Variants in AHI1 observed in about 807,000 individuals in gnomAD.
AHI1 encodes the protein Abelson helper integration site 1, also known as jouberin.
Under a neutral mutation model 149.3 loss-of-function variants are expected in AHI1, and 123 were observed. The observed-to-expected ratio is 0.82, with a 90% CI of 0.71 to 0.96. The LOEUF (loss-of-function observed/expected upper bound fraction) is 0.96. AHI1 is among the 40% of genes least tolerant of loss of function. The pLI is 0.00. For synonymous variants in AHI1, 475 were observed against 459.8 expected, an observed-to-expected ratio of 1.03 and a Z score of -0.42; for missense variants, 1,439 against 1,422.7, an observed-to-expected ratio of 1.01 and a Z score of -0.18.
chr6:135,287,470 G>A (rs1781828051), intron 28 of AHI1, among the ~76,000 whole-genome samples: 1 of 152,166 alleles, frequency 6.6e-6, no homozygotes, highest in Non-Finnish European at 1.5e-5. Flanking sequence ...TCCTCCTGAC[G>A]ATGGGAGGAA....
Position 135,394,963 on chromosome 6 carries a change from G to A in AHI1, c.2989-67C>T, listed in dbSNP as rs978566353. ...TGGATTACTAATGCAAAAACTGGAT[G>A]AGAAATATTTGCTTATTATACAAAC... is the stretch of plus-strand genomic sequence containing the variant. On this transcript the variant is annotated intron_variant, in intron 22 of 28. Coordinates refer to ENST00000265602, the MANE Select transcript of AHI1 (RefSeq NM_001134831.2). 3.2e-5 allele frequency: 48 copies of A among 1,503,382 alleles called. No homozygotes were observed. In the Admixed American group the frequency reaches 8.3e-4, roughly 26 times the overall value. The allele number at this position is 1,503,382 out of a possible 1,614,324, so 93.1% of individuals were successfully genotyped here.
chr6:135,361,391 T>C (rs937717162), intron 23 of AHI1, among the ~76,000 whole-genome samples: 1 of 152,174 alleles, frequency 6.6e-6, no homozygotes, highest in Non-Finnish European at 1.5e-5. Flanking sequence ...TGTTATTTTG[T>C]AGTGTAAGTC....
In AHI1 at chr6:135,297,268, C is replaced by T. The variant is rs574681326; in HGVS notation, c.3485+3232G>A. ...TTCTTCTAGAGCCACAATCTCTATC[C>T]TGTTTTTTTCTCCCACTGCAATTCC... On this transcript the variant is annotated intron_variant, in intron 27 of 28. Coordinates refer to ENST00000265602, the MANE Select transcript of AHI1 (RefSeq NM_001134831.2). Among the ~76,000 whole-genome samples, 6 of 152,288 alleles carry T rather than the reference C, an allele frequency of 3.9e-5. No individual in the cohort carries two copies. In the East Asian group the frequency reaches 1.2e-3, roughly 29 times the overall value.
intron 11 of AHI1, among the ~76,000 whole-genome samples, chr6:135,452,121 G>C (rs773348568): frequency 1.1e-4 from 16 of 152,136 alleles, no homozygotes; most frequent in Non-Finnish European, 2.1e-4. Context: ...AATAATGTAG[G>C]TAACAGGTCT....
intron 24 of AHI1, among the ~76,000 whole-genome samples, chr6:135,355,744 C>G (rs1792853419): frequency 6.6e-6 from 1 of 152,028 alleles, no homozygotes; most frequent in Non-Finnish European, 1.5e-5. Flanking sequence ...ACTAAAAATA[C>G]AAAAATTAGC....
At chr6:135,424,801 G>A (rs1211521756) in intron 20 of AHI1, among the ~76,000 whole-genome samples, 1 of 151,580 alleles carries the variant, frequency 6.6e-6, no homozygotes, top group African/African-American at 2.4e-5. Flanking sequence ...CCATTTTCCT[G>A]GAAAATTATC....
chr6:135,285,658 A>G lies in AHI1; in HGVS notation c.3589-11T>C, dbSNP rs1217833599. 2 of 1,599,298 alleles carry G rather than the reference A, an allele frequency of 1.3e-6. No homozygotes were observed. Among genetic ancestry groups the G allele is most frequent in the Admixed American group, 3.4e-5 (2 of 58,958 alleles). On this transcript the variant is annotated splice_polypyrimidine_tract_variant and intron_variant, in intron 28 of 28. Transcript: ENST00000265602. The stretch of plus-strand genomic sequence containing the variant: ...TTCTTCAATTCTTTACTGGAAAGAA[A>G]AATACACAAAATGTACTAAATAAAC...
At chr6:135,377,741 A>G (rs1776161759) in intron 23 of AHI1, among the ~76,000 whole-genome samples, 1 of 152,004 alleles carries the variant, frequency 6.6e-6, no homozygotes, top group South Asian at 2.1e-4. Flanking sequence ...CCAACCTCCC[A>G]AAGTACCAGG....
intron 9 of AHI1, among the ~76,000 whole-genome samples, chr6:135,457,241 G>T (rs1789112566): frequency 6.6e-6 from 1 of 152,144 alleles, no homozygotes; most frequent in Non-Finnish European, 1.5e-5. Flanking sequence ...CCAAGATTGA[G>T]CACTGCATTC....
At chr6:135,440,384 A>T (rs1261045579) in intron 14 of AHI1, among the ~76,000 whole-genome samples, 1 of 152,132 alleles carries the variant, frequency 6.6e-6, no homozygotes, top group East Asian at 1.9e-4. Flanking sequence ...AAAACAAAAA[A>T]CAAAATGAAA....
chr6:135,315,604 G>A (rs1197075653), intron 26 of AHI1, among the ~76,000 whole-genome samples: 1 of 152,094 alleles, frequency 6.6e-6, no homozygotes, highest in Non-Finnish European at 1.5e-5. Context: ...CTATGCCCTA[G>A]ATGCTGAGAA....
intron 23 of AHI1, among the ~76,000 whole-genome samples, chr6:135,378,381 T>C (rs1444416252): frequency 6.6e-6 from 1 of 152,240 alleles, no homozygotes; most frequent in Non-Finnish European, 1.5e-5. Context: ...AAATACCAAC[T>C]ATACTAATTT....
chr6:135,444,866 T>C (rs1027773462), intron 13 of AHI1, among the ~76,000 whole-genome samples: 8 of 152,182 alleles, frequency 5.3e-5, no homozygotes, highest in African/African-American at 1.9e-4. Flanking sequence ...CTTAGAATCA[T>C]TATGAAAAGA....
chr6:135,457,535 C>A lies in AHI1; in HGVS notation c.1110G>T (p.Val370=), dbSNP rs758371357. The part of the protein sequence containing the change: ...MISHPMVKIH[V]VDEHTGQYVK... Reference sequence around the variant, plus strand: ...CATATTGACCAGTATGCTCATCAACCACATGAATTTTTACCATTGGGTGAG... The same window carrying A: ...CATATTGACCAGTATGCTCATCAACAACATGAATTTTTACCATTGGGTGAG... The change falls in exon 9 of 29, where the codon GTG becomes GTT. Residue 370 remains valine (V), a synonymous_variant. Coordinates refer to ENST00000265602, the MANE Select transcript of AHI1 (RefSeq NM_001134831.2). The A allele has an allele frequency of 6.2e-7, 1 of 1,613,766 alleles. No homozygotes were observed. Among genetic ancestry groups the A allele is most frequent in the East Asian group, 2.2e-5 (1 of 44,856 alleles).
intron 24 of AHI1, among the ~76,000 whole-genome samples, chr6:135,331,225 G>A (rs981683326): frequency 6.6e-6 from 1 of 152,194 alleles, no homozygotes; most frequent in African/African-American, 2.4e-5. Flanking sequence ...TTAAAGACAC[G>A]AGCTAATATG....
At chr6:135,368,376 G>A (rs1774502604) in intron 23 of AHI1, among the ~76,000 whole-genome samples, 1 of 152,076 alleles carries the variant, frequency 6.6e-6, no homozygotes, top group South Asian at 2.1e-4. Flanking sequence ...AATAGGGAGG[G>A]TACAAGCTTG....
intron 23 of AHI1, chr6:135,387,951 C>T (rs1777843962): frequency 6.2e-7 from 1 of 1,613,084 alleles, no homozygotes; most frequent in African/African-American, 1.3e-5. Context: ...CCCAGGTCGG[C>T]TCAGTTCTTC....
intron 25 of AHI1, among the ~76,000 whole-genome samples, chr6:135,321,446 G>A (rs536219087): frequency 1.2e-4 from 19 of 152,218 alleles, no homozygotes; most frequent in Admixed American, 1.2e-3. Context: ...CTGAAGAAGG[G>A]AGCTGCAATG....
In AHI1 at chr6:135,427,020, C is replaced by G. The variant is rs909550527; in HGVS notation, c.2764+147G>C. On this transcript the variant is annotated intron_variant, in intron 20 of 28. Coordinates refer to ENST00000265602, the MANE Select transcript of AHI1 (RefSeq NM_001134831.2). ...TTACTTAAATTGATTTACAAAGAAA[C>G]TTGTGGCTAGCTTTCTGTGATTCCA... is the stretch of plus-strand genomic sequence containing the variant. 39 of 714,196 alleles carry G rather than the reference C, an allele frequency of 5.5e-5. No homozygotes were observed. The African/African-American group carries it at 6.3e-4, about 12-fold the overall frequency. The allele number at this position is 714,196 out of a possible 1,614,324, so 44.2% of individuals were successfully genotyped here. A position where few individuals can be genotyped will look rare whatever the true frequency, so the allele number is the denominator to read the frequency against.
Sources: allele counts gnomAD v4.1 joint callset (sites outside exome capture counted in the v4.1 genomes callset), GRCh38; gene constraint gnomAD v4.1.1; transcripts MANE v1.5; gene names NCBI Gene and HGNC (gene_info 2026-07-23, HGNC 2026-07-21).